The following ARID4B variants were observed in gnomAD, a reference collection of about 807,000 sequenced individuals.
ARID4B encodes the protein AT-rich interaction domain 4B.
In ARID4B, 26 loss-of-function variants were observed where a neutral mutation model predicts 147.5. That is an observed-to-expected ratio of 0.18 (90% CI 0.13 to 0.24). The LOEUF is 0.24. ARID4B is among the 10% of genes least tolerant of loss of function. The pLI, the probability that ARID4B is intolerant of heterozygous loss-of-function variation, is 1.00. For synonymous variants in ARID4B, 512 were observed against 507.9 expected, an observed-to-expected ratio of 1.01 and a Z score of -0.11; for missense variants, 1,179 against 1,511.5, an observed-to-expected ratio of 0.78 and a Z score of 3.65.
chr1:235,277,790 A>G (rs1671435814), intron 2 of ARID4B, among the ~76,000 whole-genome samples: 2 of 152,102 alleles, frequency 1.3e-5, no homozygotes, highest in African/African-American at 4.8e-5. Flanking sequence ...GAGGATATCT[A>G]TTCCAACTAT....
chr1:235,175,392 A>G lies in ARID4B; in HGVS notation c.3456T>C (p.Ser1152=). Reference sequence around the variant, plus strand: ...CAGCTGAAAGTTCTTCACTATCACTACTATTTGCTGAAAGAGAAAGAAAAG... The same window carrying G: ...CAGCTGAAAGTTCTTCACTATCACTGCTATTTGCTGAAAGAGAAAGAAAAG... ...NNKKKGKGTN[S]SDSEELSAGE... The change falls in exon 22 of 24, where the codon AGT becomes AGC. Residue 1152 remains serine, a synonymous_variant. Transcript: ENST00000264183. 6.2e-7 allele frequency: 1 copy of G among 1,608,500 alleles called. No homozygotes were observed. Among genetic ancestry groups the G allele is most frequent in the South Asian group, 1.1e-5 (1 of 89,892 alleles).
intron 3 of ARID4B, among the ~76,000 whole-genome samples, chr1:235,260,079 C>T (rs1458157047): frequency 6.6e-6 from 1 of 152,200 alleles, no homozygotes; most frequent in East Asian, 1.9e-4. Flanking sequence ...GAAGCAATTA[C>T]ACTCCTTTTT....
chr1:235,173,603 A>T (rs1014549934), intron 22 of ARID4B, among the ~76,000 whole-genome samples: 3 of 150,780 alleles, frequency 2.0e-5, no homozygotes, highest in East Asian at 3.9e-4. Flanking sequence ...GTATTAAAAA[A>T]ATATACATAT....
chr1:235,314,486 A>T (rs1674290602), intron 2 of ARID4B, among the ~76,000 whole-genome samples: 1 of 152,232 alleles, frequency 6.6e-6, no homozygotes, highest in Non-Finnish European at 1.5e-5. Context: ...AAGGACTGGA[A>T]ATAAGACCAC....
intron 7 of ARID4B, among the ~76,000 whole-genome samples, chr1:235,243,056 G>C (rs1244571842): frequency 2.0e-5 from 3 of 151,922 alleles, no homozygotes; most frequent in African/African-American, 7.3e-5. Flanking sequence ...CTGAGAGAAT[G>C]TAAGCTCTCA....
At chr1:235,274,580 T>C (rs919082964) in intron 2 of ARID4B, among the ~76,000 whole-genome samples, 5 of 152,270 alleles carry the variant, frequency 3.3e-5, no homozygotes, top group Admixed American at 2.6e-4. Flanking sequence ...TTAGTGTCAT[T>C]TGCATGTATT....
At chr1:235,269,784 T>C (rs567162504) in intron 2 of ARID4B, among the ~76,000 whole-genome samples, 4 of 152,114 alleles carry the variant, frequency 2.6e-5, no homozygotes, top group African/African-American at 9.6e-5. Context: ...GTGAAGGAGA[T>C]TACATGAACT....
chr1:235,280,856 G>A (rs576173930), intron 2 of ARID4B, among the ~76,000 whole-genome samples: 3 of 152,132 alleles, frequency 2.0e-5, no homozygotes, highest in Non-Finnish European at 4.4e-5. Flanking sequence ...TGTACAGAGA[G>A]GCCTTGTGTT....
chr1:235,220,657 T>C (rs1191503795), intron 14 of ARID4B, 112 bp from the exon 15 acceptor site: 13 of 867,710 alleles, frequency 1.5e-5, no homozygotes, highest in Non-Finnish European at 2.1e-5. Flanking sequence ...TATTGAGCCA[T>C]ATTAACATTC....
At chr1:235,298,337 C>T (rs775570878) in intron 2 of ARID4B, among the ~76,000 whole-genome samples, 107 of 151,936 alleles carry the variant, frequency 7.0e-4, no homozygotes, top group Non-Finnish European at 9.1e-4. Flanking sequence ...GAAGTGTATT[C>T]GTCTCTAATC....
chr1:235,228,934 TGCGCCCAGCCTG>T (rs1287154122), intron 11 of ARID4B: 1 of 255,170 alleles, frequency 3.9e-6, no homozygotes, highest in Non-Finnish European at 7.4e-6. Context: ...CCTGAGCCAC[TGCGCCCAGCCTG>T]GTGGATACTT....
chr1:235,325,341 T>G (rs1338796973), intron 2 of ARID4B, among the ~76,000 whole-genome samples: 1 of 151,844 alleles, frequency 6.6e-6, no homozygotes, highest in African/African-American at 2.4e-5. Context: ...TCCAACATAC[T>G]TTCATTTTTT....
intron 2 of ARID4B, among the ~76,000 whole-genome samples, chr1:235,302,604 C>T (rs1292428418): frequency 2.6e-5 from 4 of 152,154 alleles, no homozygotes; most frequent in African/African-American, 7.2e-5. Context: ...GTTAAAATTA[C>T]ACATGGCTTG....
chr1:235,277,594 T>TA (rs1199923174), intron 2 of ARID4B, among the ~76,000 whole-genome samples: 1 of 129,572 alleles, frequency 7.7e-6, no homozygotes, highest in Non-Finnish European at 1.6e-5. Context: ...ATGCCTTATA[T>TA]TGTGTGTGTG....
At chr1:235,294,171 T>C (rs911439691) in intron 2 of ARID4B, among the ~76,000 whole-genome samples, 3 of 151,958 alleles carry the variant, frequency 2.0e-5, no homozygotes, top group Non-Finnish European at 2.9e-5. Context: ...ACCTGGAAAA[T>C]TGACACTGGA....
intron 8 of ARID4B, among the ~76,000 whole-genome samples, chr1:235,236,680 ATT>A (rs1558233106): frequency 8.7e-5 from 13 of 149,494 alleles, no homozygotes; most frequent in Non-Finnish European, 1.5e-4. Context: ...TGCTCGGCTA[ATT>A]TTTGTATTTT....
chr1:235,248,186 G>A (rs979005589), intron 6 of ARID4B, among the ~76,000 whole-genome samples: 7 of 152,028 alleles, frequency 4.6e-5, no homozygotes, highest in Admixed American at 4.6e-4. Context: ...CAAGTAGCTA[G>A]GACCACAGGT....
At chr1:235,317,283 A>T (rs1052158268) in intron 2 of ARID4B, among the ~76,000 whole-genome samples, 4 of 152,210 alleles carry the variant, frequency 2.6e-5, no homozygotes, top group Non-Finnish European at 4.4e-5. Context: ...ATGATACCAC[A>T]GAGCTGTGTT....
chr1:235,282,970 C>T (rs1480220875), intron 2 of ARID4B, among the ~76,000 whole-genome samples: 7 of 151,948 alleles, frequency 4.6e-5, no homozygotes, highest in African/African-American at 1.2e-4. Context: ...TTAGTAGAGA[C>T]GGGGTTTCAC....
Sources: gnomAD v4.1 joint callset for allele counts (sites outside exome capture counted in the v4.1 genomes callset) on GRCh38, gnomAD v4.1.1 for gene constraint, MANE v1.5 for transcripts, NCBI Gene and HGNC (gene_info 2026-07-23, HGNC 2026-07-21) for gene names.